The following CLNS1A variants were observed in gnomAD, a reference collection of about 807,000 sequenced individuals.
The protein encoded by CLNS1A is methylosome subunit pICln.
CLNS1A carries 16 observed loss-of-function variants against 29.4 expected under a neutral mutation model. That is an observed-to-expected ratio of 0.54 (90% CI 0.37 to 0.83). CLNS1A has a LOEUF of 0.83. Among genes scored for constraint, CLNS1A ranks in the 40% least tolerant of loss-of-function variants. The pLI is 0.00. For synonymous variants in CLNS1A, 96 were observed against 104.8 expected, an observed-to-expected ratio of 0.92 and a Z score of 0.51; for missense variants, 235 against 287.4, an observed-to-expected ratio of 0.82 and a Z score of 1.32.
Position 77,625,711 on chromosome 11 carries a change from ACT to A in CLNS1A, c.364+4_364+5del, listed in dbSNP as rs1959010558. ...AGGGGAAGAATCAATACTGTAGAAC[ACT>A]CACACGCTGATTTATCACTAGGCAC... On this transcript the variant is annotated splice_donor_5th_base_variant and intron_variant, in intron 3 of 6. Coordinates refer to ENST00000525428, the MANE Select transcript of CLNS1A (RefSeq NM_001293.3). The A allele has an allele frequency of 1.2e-6, 2 of 1,607,912 alleles. No individual in the cohort carries two copies. The highest frequency in any genetic ancestry group is 1.7e-6 in the Non-Finnish European group (2 of 1,177,558).
intron 1 of CLNS1A, among the ~76,000 whole-genome samples, chr11:77,632,923 T>C (rs1373713373): frequency 6.6e-6 from 1 of 151,508 alleles, no homozygotes; most frequent in Non-Finnish European, 1.5e-5. Context: ...CCTGTCTCTA[T>C]TAAAAATACG....
At chr11:77,628,067 G>GC (rs553344240) in intron 2 of CLNS1A, among the ~76,000 whole-genome samples, 85 of 152,252 alleles carry the variant, frequency 5.6e-4, no homozygotes, top group Admixed American at 3.5e-3. Context: ...CTTGTGATCT[G>GC]CCCCCCTTGG....
intron 4 of CLNS1A, among the ~76,000 whole-genome samples, chr11:77,622,949 G>GAAAA (rs35752186): frequency 3.8e-5 from 4 of 105,816 alleles, no homozygotes; most frequent in Non-Finnish European, 3.8e-5. Context: ...CCTTGTCTTG[G>GAAAA]AAAAAAAAAA....
At chr11:77,626,901 T>C (rs1590799363) in intron 2 of CLNS1A, among the ~76,000 whole-genome samples, 1 of 149,998 alleles carries the variant, frequency 6.7e-6, no homozygotes, top group Non-Finnish European at 1.5e-5. Flanking sequence ...TTCACCGTGT[T>C]AGCCAGAATG....
At chr11:77,616,917 G>C (rs967371611) in intron 6 of CLNS1A, among the ~76,000 whole-genome samples, 5 of 152,214 alleles carry the variant, frequency 3.3e-5, no homozygotes, top group African/African-American at 1.2e-4. Context: ...GTATGTGGCA[G>C]AGTTGTGATT....
chr11:77,631,466 G>T (rs940098883), intron 1 of CLNS1A, among the ~76,000 whole-genome samples: 2 of 151,334 alleles, frequency 1.3e-5, no homozygotes, highest in Non-Finnish European at 2.9e-5. Context: ...GACTACAGGC[G>T]CCCGCCACCA....
intron 2 of CLNS1A, among the ~76,000 whole-genome samples, chr11:77,626,190 G>A (rs1261295524): frequency 1.3e-5 from 2 of 152,128 alleles, no homozygotes; most frequent in Non-Finnish European, 2.9e-5. Flanking sequence ...AGGCCCAAGC[G>A]ATCCTCCCAC....
chr11:77,622,127 C>G (rs961237989), intron 5 of CLNS1A: 1 of 455,998 alleles, frequency 2.2e-6, no homozygotes, highest in Non-Finnish European at 4.4e-6. Context: ...CAATAAAATT[C>G]TATTGTTTGA....
At chr11:77,631,361 G>A (rs1381385672) in intron 1 of CLNS1A, among the ~76,000 whole-genome samples, 6 of 147,502 alleles carry the variant, frequency 4.1e-5, no homozygotes, top group African/African-American at 7.5e-5. Context: ...TCGGTCTGTC[G>A]CCCAGGCTGG....
At chr11:77,626,639 A>C (rs1224921790) in intron 2 of CLNS1A, among the ~76,000 whole-genome samples, 1 of 141,636 alleles carries the variant, frequency 7.1e-6, no homozygotes, top group South Asian at 2.2e-4. Context: ...ACTCCATCAC[A>C]AAAAAAAAAA....
chr11:77,624,064 A>G (rs1002410555), intron 4 of CLNS1A, among the ~76,000 whole-genome samples: 20 of 152,306 alleles, frequency 1.3e-4, no homozygotes, highest in African/African-American at 4.3e-4. Context: ...GGAGTTGGAG[A>G]CCAGCTTGGG....
At chr11:77,616,798 A>G (rs1475071436) in intron 6 of CLNS1A, 103 bp from the exon 7 acceptor site, 3 of 152,210 alleles carry the variant, frequency 2.0e-5, no homozygotes, top group African/African-American at 7.2e-5. Flanking sequence ...GGTACATTTT[A>G]TCTTAGCCTC....
At chr11:77,636,505 T>C (rs1441373377) in intron 1 of CLNS1A, among the ~76,000 whole-genome samples, 2 of 152,206 alleles carry the variant, frequency 1.3e-5, no homozygotes, top group East Asian at 1.9e-4. Flanking sequence ...TTGTTCAATG[T>C]CTAAATTTCC....
At chr11:77,621,734 G>A (rs546633843) in intron 5 of CLNS1A, 2 of 282,878 alleles carry the variant, frequency 7.1e-6, no homozygotes, top group South Asian at 7.4e-5. Flanking sequence ...TATTCTAGAT[G>A]TTTCTGTGGA....
chr11:77,621,489 C>T (rs909595810), intron 5 of CLNS1A, among the ~76,000 whole-genome samples: 2 of 151,974 alleles, frequency 1.3e-5, no homozygotes, highest in African/African-American at 4.8e-5. Context: ...ACTAAAAATA[C>T]AAAAATTAGC....
Position 77,637,757 on chromosome 11 carries a change from A to C in CLNS1A, c.-43T>G. 1 of 1,536,786 alleles carries C rather than the reference A, an allele frequency of 6.5e-7. No homozygotes were observed. The highest frequency in any genetic ancestry group is 1.4e-5 in the African/African-American group (1 of 72,850). ...ACACAGGCCCTGAGGGAGTTGGAGCACAGCAATGCGTGCACCACACCGCCC... is the reference window on the plus strand; with the variant it reads ...ACACAGGCCCTGAGGGAGTTGGAGCCCAGCAATGCGTGCACCACACCGCCC... On this transcript the variant is annotated 5_prime_UTR_variant, in exon 1 of 7. Transcript: ENST00000525428.
intron 2 of CLNS1A, 136 bp downstream of exon 2, chr11:77,629,627 C>T: frequency 1.4e-6 from 1 of 701,324 alleles, no homozygotes; most frequent in South Asian, 2.0e-5. Flanking sequence ...ATCTCCTGAC[C>T]TTGTGATCCG....
chr11:77,636,072 A>AT (rs1302680685), intron 1 of CLNS1A, among the ~76,000 whole-genome samples: 8 of 150,424 alleles, frequency 5.3e-5, no homozygotes, highest in African/African-American at 1.7e-4. Flanking sequence ...TTCTTTTTTT[A>AT]TTTTTATTTT....
rs1224641309 is a variant in CLNS1A, at chr11:77,637,728, G to A, written c.-14C>T. ...GAGGAAGCTCATAGCAGCAGAGTGCGGCAACACAGGCCCTGAGGGAGTTGG... is the reference window on the plus strand; with the variant it reads ...GAGGAAGCTCATAGCAGCAGAGTGCAGCAACACAGGCCCTGAGGGAGTTGG... On this transcript the variant is annotated 5_prime_UTR_variant, in exon 1 of 7. Transcript: ENST00000525428. The A allele has an allele frequency of 1.3e-6, 2 of 1,552,442 alleles. No homozygotes were observed. The highest frequency in any genetic ancestry group is 1.7e-6 in the Non-Finnish European group (2 of 1,147,476).
Sources: gnomAD v4.1 joint callset for allele counts (sites outside exome capture counted in the v4.1 genomes callset) on GRCh38, gnomAD v4.1.1 for gene constraint, MANE v1.5 for transcripts, NCBI Gene and HGNC (gene_info 2026-07-23, HGNC 2026-07-21) for gene names.